The following RNLS variants were observed in gnomAD, a reference collection of about 807,000 sequenced individuals.
RNLS encodes the protein renalase.
A neutral mutation model predicts 39.8 loss-of-function variants in RNLS; 39 were observed. That is an observed-to-expected ratio of 0.98 (90% CI 0.76 to 1.28). The LOEUF (loss-of-function observed/expected upper bound fraction) is 1.28, where lower values mean the gene tolerates loss of function less well. Ranked by LOEUF, RNLS falls within the 50% of genes most tolerant of loss-of-function variation. RNLS has a pLI of 0.00. For synonymous variants in RNLS, 147 were observed against 150.7 expected (o/e 0.98, Z 0.18); for missense variants, 410 against 413.3 (o/e 0.99, Z 0.07).
intron 5 of RNLS, among the ~76,000 whole-genome samples, chr10:88,318,180 C>T (rs2097192155): frequency 6.6e-6 from 1 of 152,212 alleles, no homozygotes; most frequent in African/African-American, 2.4e-5. Flanking sequence ...AGATTCCCCA[C>T]AAACATACCC....
intron 4 of RNLS, among the ~76,000 whole-genome samples, chr10:88,470,284 T>C (rs956720200): frequency 6.6e-6 from 1 of 152,114 alleles, no homozygotes; most frequent in Non-Finnish European, 1.5e-5. Context: ...GTAATAAGCA[T>C]AGTACCCGAT....
At chr10:88,328,011 TG>T (rs1313244860) in intron 5 of RNLS, among the ~76,000 whole-genome samples, 4 of 152,286 alleles carry the variant, frequency 2.6e-5, no homozygotes, top group Non-Finnish European at 5.9e-5. Context: ...CAGGTTCAAG[TG>T]ATTCTTGTGC....
At chr10:88,249,698 G>A in the RNLS span, among the ~76,000 whole-genome samples, 2 of 152,196 alleles carry the variant, frequency 1.3e-5, no homozygotes. Context: ...TCCTTACAGT[G>A]TGACAGCCTC....
At chr10:88,366,722 C>T (rs1453182805) in intron 4 of RNLS, among the ~76,000 whole-genome samples, 1 of 148,354 alleles carries the variant, frequency 6.7e-6, no homozygotes, top group Non-Finnish European at 1.5e-5. Flanking sequence ...TAAAAGGGCC[C>T]AGTCAACCTG....
At chr10:88,522,237 G>T (rs1440599944) in intron 4 of RNLS, among the ~76,000 whole-genome samples, 1 of 152,044 alleles carries the variant, frequency 6.6e-6, no homozygotes, top group Admixed American at 6.6e-5. Flanking sequence ...AAATAAACAG[G>T]TTTAATAAGC....
intron 4 of RNLS, among the ~76,000 whole-genome samples, chr10:88,404,700 A>C (rs1169457758): frequency 6.6e-6 from 1 of 152,046 alleles, no homozygotes; most frequent in Non-Finnish European, 1.5e-5. Context: ...TTGGTAACAC[A>C]AGATGAATAA....
chr10:88,403,281 C>T lies in RNLS; in HGVS notation c.527-40556G>A, dbSNP rs78995264. 9.9e-3 allele frequency among the ~76,000 whole-genome samples: 1,508 copies of T among 152,142 alleles called. 26 individuals carry two copies. Among genetic ancestry groups the T allele is most frequent in the African/African-American group, 0.034 (1,430 of 41,532 alleles). ...CTTATTTTGATCTTGATCAAACATACAAACTTATATATACATGTGCACATA... is the reference window on the plus strand; with the variant it reads ...CTTATTTTGATCTTGATCAAACATATAAACTTATATATACATGTGCACATA... On this transcript the variant is annotated intron_variant, in intron 4 of 6. Transcript: ENST00000331772.
intron 4 of RNLS, among the ~76,000 whole-genome samples, chr10:88,488,558 A>T (rs889325017): frequency 3.3e-5 from 5 of 152,040 alleles, no homozygotes; most frequent in African/African-American, 4.8e-5. Context: ...AAAAAAAAAA[A>T]AAAAAAAAAG....
rs182117466 is a variant in RNLS, at chr10:88,332,053, T to G, written c.701-17412A>C. Among the ~76,000 whole-genome samples, 24 of 152,318 alleles carry G rather than the reference T, an allele frequency of 1.6e-4. No individual in the cohort carries two copies. The East Asian group carries it at 4.1e-3, about 26-fold the overall frequency. ...CAAAGTACTCTCTGCCTTTTGGCAT[T>G]CTACCTCCTTGGCTGCGTGTCTACT... On this transcript the variant is annotated intron_variant, in intron 5 of 6. Coordinates refer to ENST00000331772, the MANE Select transcript of RNLS (RefSeq NM_001031709.3).
At chr10:88,304,227 TA>T (rs1376091118) in intron 6 of RNLS, among the ~76,000 whole-genome samples, 1 of 152,112 alleles carries the variant, frequency 6.6e-6, no homozygotes, top group African/African-American at 2.4e-5. Context: ...TGAAGATAGA[TA>T]AGCTCACAAA....
At chr10:88,172,858 T>TTTTTTTTTTTTTG in the RNLS span, among the ~76,000 whole-genome samples, 1 of 79,476 alleles carries the variant, frequency 1.3e-5, no homozygotes, top group Non-Finnish European at 2.9e-5. Flanking sequence ...TTTTTTTTTT[T>TTTTTTTTTTTTTG]TTTTTTTTTT....
In RNLS at chr10:88,582,641, A is replaced by G. The variant is rs189674219; in HGVS notation, c.119-334T>C. 1.4e-3 allele frequency among the ~76,000 whole-genome samples: 211 copies of G among 152,358 alleles called. 1 individual carries two copies. Among genetic ancestry groups the G allele is most frequent in the African/African-American group, 4.9e-3 (203 of 41,582 alleles). ...AGAATGACAGGATTCTGCAAACTAG[A>G]TCTTCAGAAAATCTTGGTCTATGAT... is the stretch of plus-strand genomic sequence containing the variant. On this transcript the variant is annotated intron_variant, in intron 1 of 6. Transcript: ENST00000331772.
chr10:88,285,961 T>G (rs1843237023), intron 6 of RNLS, among the ~76,000 whole-genome samples: 1 of 152,018 alleles, frequency 6.6e-6, no homozygotes. Context: ...TGTTGGTCCT[T>G]TCCACCATGT....
At chr10:88,331,367 G>T (rs777480154) in intron 5 of RNLS, among the ~76,000 whole-genome samples, 1 of 152,172 alleles carries the variant, frequency 6.6e-6, no homozygotes, top group African/African-American at 2.4e-5. Context: ...AGGAGTGGAA[G>T]ACTTTAATGT....
intron 4 of RNLS, among the ~76,000 whole-genome samples, chr10:88,564,948 G>A (rs951623428): frequency 6.6e-6 from 1 of 152,214 alleles, no homozygotes; most frequent in South Asian, 2.1e-4. Flanking sequence ...TTTCACATAA[G>A]ATATGATACT....
Position 88,472,599 on chromosome 10 carries a change from G to T in RNLS, c.526+100304C>A, listed in dbSNP as rs994757207. On this transcript the variant is annotated intron_variant, in intron 4 of 6. Transcript: ENST00000331772. The stretch of plus-strand genomic sequence containing the variant: ...GTGGTTATAGGTAAAAGCCTCTGTT[G>T]ACAGGAATAAAGCTGTTAGTACAGC... Among the ~76,000 whole-genome samples, 5 of 152,302 alleles carry T rather than the reference G, an allele frequency of 3.3e-5. No individual in the cohort carries two copies. In the East Asian group the frequency reaches 9.6e-4, roughly 29 times the overall value.
the RNLS span, among the ~76,000 whole-genome samples, chr10:88,176,173 C>CTTTT: frequency 6.8e-6 from 1 of 146,954 alleles, no homozygotes. Context: ...CTTAGCCTAT[C>CTTTT]TTTTTTTTTT....
chr10:88,481,058 C>G (rs926103409), intron 4 of RNLS, among the ~76,000 whole-genome samples: 2 of 152,002 alleles, frequency 1.3e-5, no homozygotes, highest in Admixed American at 6.6e-5. Flanking sequence ...TTTATTGACC[C>G]TTTATCATAA....
intron 6 of RNLS, among the ~76,000 whole-genome samples, chr10:88,307,655 A>G (rs540114958): frequency 3.3e-5 from 5 of 152,352 alleles, no homozygotes; most frequent in African/African-American, 1.2e-4. Context: ...AGAACTACAA[A>G]ACACTGCTCC....
Sources: gnomAD v4.1 joint callset for allele counts (sites outside exome capture counted in the v4.1 genomes callset) on GRCh38, gnomAD v4.1.1 for gene constraint, MANE v1.5 for transcripts, NCBI Gene and HGNC (gene_info 2026-07-23, HGNC 2026-07-21) for gene names.